The following TMEM266 variants were observed in gnomAD, a reference collection of about 807,000 sequenced individuals.
TMEM266 encodes the protein transmembrane protein 266, also known as Hv1 related protein 1.
TMEM266 carries 33 observed loss-of-function variants against 50.5 expected under a neutral mutation model. The observed-to-expected ratio is 0.65, with a 90% CI of 0.50 to 0.87. The LOEUF is 0.87. TMEM266 is among the 40% of genes least tolerant of loss of function. The probability of loss-of-function intolerance (pLI) is 0.00; values close to 1 mark genes in which losing one functional copy is unlikely to be tolerated. For synonymous variants in TMEM266, 310 were observed against 292.3 expected (o/e 1.06, Z -0.62); for missense variants, 655 against 695.1 (o/e 0.94, Z 0.65).
rs543414596 is a variant in TMEM266 at position 76,146,564 on chromosome 15, A to G, written c.227+8669A>G. Among the ~76,000 whole-genome samples, 18 of 152,302 alleles carry G rather than the reference A, an allele frequency of 1.2e-4. No individual in the cohort carries two copies. In the South Asian group the frequency reaches 3.7e-3, roughly 32 times the overall value. ...AACTTTACATTCAGAGGAAAAAAAC[A>G]TAATGGGGGCACAGGGATATTTTTC... On this transcript the variant is annotated intron_variant, in intron 3 of 10. Transcript: ENST00000388942.
chr15:76,109,715 T>C (rs1168720061), intron 1 of TMEM266, among the ~76,000 whole-genome samples: 4 of 150,626 alleles, frequency 2.7e-5, no homozygotes, highest in Non-Finnish European at 5.9e-5. Flanking sequence ...TCTTTTCTTT[T>C]TTTTTTTTTT....
chr15:76,112,310 A>G (rs906556124), intron 1 of TMEM266, among the ~76,000 whole-genome samples: 6 of 152,358 alleles, frequency 3.9e-5, no homozygotes, highest in African/African-American at 7.2e-5. Context: ...ATTAATAACA[A>G]TGTATCAATA....
At chr15:76,091,457 G>A (rs1215915598) in intron 1 of TMEM266, among the ~76,000 whole-genome samples, 1 of 151,918 alleles carries the variant, frequency 6.6e-6, no homozygotes, top group Non-Finnish European at 1.5e-5. Context: ...GGCTGAGGTG[G>A]GAGGATATCT....
At position 76,146,006 on chromosome 15, in the gene TMEM266, T is replaced by C. The variant is rs141858480; in HGVS notation, c.227+8111T>C. Among the ~76,000 whole-genome samples the C allele has an allele frequency of 3.3e-5, 5 of 152,346 alleles. No homozygotes were observed. In the East Asian group the frequency reaches 9.6e-4, roughly 29 times the overall value. On this transcript the variant is annotated intron_variant, in intron 3 of 10. Transcript: ENST00000388942. ...GCTGTCAGTGAGCCAATCATCTATC[T>C]TTGGAAGAGTGACATTGAGTTTGCA...
At chr15:76,184,561 C>G (rs991017979) in intron 8 of TMEM266, among the ~76,000 whole-genome samples, 1 of 152,228 alleles carries the variant, frequency 6.6e-6, no homozygotes, top group Non-Finnish European at 1.5e-5. Context: ...GGCAGGGCAG[C>G]CTGTGCAGAC....
chr15:76,103,138 A>G (rs1277547764), intron 1 of TMEM266, among the ~76,000 whole-genome samples: 1 of 152,126 alleles, frequency 6.6e-6, no homozygotes, highest in Non-Finnish European at 1.5e-5. Context: ...GGTGGTGAGC[A>G]GTGGTACAAT....
chr15:76,146,153 C>T (rs2037751396), intron 3 of TMEM266, among the ~76,000 whole-genome samples: 1 of 152,104 alleles, frequency 6.6e-6, no homozygotes, highest in Non-Finnish European at 1.5e-5. Flanking sequence ...TTCAGAGAGA[C>T]CAGAGTCTGC....
Position 76,169,628 on chromosome 15 carries a change from C to T in TMEM266, c.457-188C>T, listed in dbSNP as rs895900201. ...GAACCAGCAGGAGGCACGGCCACCA[C>T]GAAGGCTGGAGCTGGGGCACTGGCA... On this transcript the variant is annotated intron_variant, in intron 5 of 10. Transcript: ENST00000388942. Among the ~76,000 whole-genome samples the T allele has an allele frequency of 2.8e-4, 42 of 152,164 alleles. 2 individuals carry two copies. The highest frequency in any genetic ancestry group is 4.8e-5 in the African/African-American group (2 of 41,438).
At chr15:76,062,693 C>T (rs934515610) in intron 1 of TMEM266, among the ~76,000 whole-genome samples, 2 of 152,176 alleles carry the variant, frequency 1.3e-5, no homozygotes, top group African/African-American at 2.4e-5. Context: ...TGCTGTCTTC[C>T]ATTCAAGCAG....
chr15:76,140,862 C>G (rs939233832), intron 3 of TMEM266, among the ~76,000 whole-genome samples: 6 of 129,002 alleles, frequency 4.7e-5, no homozygotes, highest in African/African-American at 1.7e-4. Context: ...TGGCAAAACC[C>G]CATCTCTACA....
intron 9 of TMEM266, among the ~76,000 whole-genome samples, chr15:76,199,112 G>A (rs1188442299): frequency 1.3e-5 from 2 of 152,224 alleles, no homozygotes; most frequent in Non-Finnish European, 2.9e-5. Context: ...AGGGCCAGGG[G>A]TCCCTCAACT....
chr15:76,086,066 A>AG (rs1029011100), intron 1 of TMEM266, among the ~76,000 whole-genome samples: 2 of 151,860 alleles, frequency 1.3e-5, no homozygotes, highest in African/African-American at 4.8e-5. Context: ...AAAAAAAAAA[A>AG]GAAAAAAATG....
At chr15:76,096,023 G>A (rs1302240162) in intron 1 of TMEM266, among the ~76,000 whole-genome samples, 1 of 151,796 alleles carries the variant, frequency 6.6e-6, no homozygotes, top group African/African-American at 2.4e-5. Context: ...TATTAGTCTG[G>A]CTAGCAGACT....
chr15:76,077,289 C>G (rs1247682289), intron 1 of TMEM266, among the ~76,000 whole-genome samples: 1 of 151,838 alleles, frequency 6.6e-6, no homozygotes, highest in Non-Finnish European at 1.5e-5. Flanking sequence ...AGAGGGATGT[C>G]AATTATGCAT....
intron 8 of TMEM266, among the ~76,000 whole-genome samples, chr15:76,176,765 G>A (rs1329802832): frequency 6.6e-6 from 1 of 152,212 alleles, no homozygotes; most frequent in East Asian, 1.9e-4. Context: ...AGTGCGGTGA[G>A]GATGGGCACC....
At chr15:76,071,312 G>A (rs1165813258) in intron 1 of TMEM266, among the ~76,000 whole-genome samples, 1 of 152,194 alleles carries the variant, frequency 6.6e-6, no homozygotes, top group African/African-American at 2.4e-5. Context: ...CAGAGGAACA[G>A]CTAGGCACAA....
chr15:76,080,370 GCCT>G (rs1011947715), intron 1 of TMEM266, among the ~76,000 whole-genome samples: 2 of 74,594 alleles, frequency 2.7e-5, no homozygotes, highest in Non-Finnish European at 5.6e-5. Flanking sequence ...TCCTGCCTCA[GCCT>G]CCTGAGTAGC....
intron 1 of TMEM266, among the ~76,000 whole-genome samples, chr15:76,071,937 A>G (rs2036545324): frequency 6.6e-6 from 1 of 151,936 alleles, no homozygotes; most frequent in African/African-American, 2.4e-5. Flanking sequence ...CTGAAAATTA[A>G]CCTTAATTGA....
At chr15:76,143,425 T>C (rs1214999428) in intron 3 of TMEM266, among the ~76,000 whole-genome samples, 2 of 152,224 alleles carry the variant, frequency 1.3e-5, no homozygotes, top group African/African-American at 4.8e-5. Context: ...ACAATCCTTA[T>C]TGTCCTTTGT....
Sources: allele counts gnomAD v4.1 joint callset (sites outside exome capture counted in the v4.1 genomes callset), GRCh38; gene constraint gnomAD v4.1.1; transcripts MANE v1.5; gene names NCBI Gene and HGNC (gene_info 2026-07-23, HGNC 2026-07-21).